SMAD3: variants seen among roughly 807,000 people sequenced by gnomAD.
SMAD3 encodes the protein MAD homolog 3.
Under a neutral mutation model 51.8 loss-of-function variants are expected in SMAD3, and 12 were observed. The observed-to-expected ratio is 0.23, with a 90% CI of 0.15 to 0.38. The LOEUF (loss-of-function observed/expected upper bound fraction) is 0.38. SMAD3 is among the 10% of genes least tolerant of loss of function. SMAD3 has a pLI of 1.00. For missense variants in SMAD3, 294 were observed against 565.6 expected (o/e 0.52, Z 4.87); for synonymous variants, 238 against 227.7 (o/e 1.05, Z -0.41).
At chr15:67,080,162 G>A (rs1052651797) in intron 1 of SMAD3, among the ~76,000 whole-genome samples, 31 of 152,314 alleles carry the variant, frequency 2.0e-4, no homozygotes, top group African/African-American at 7.2e-4. Flanking sequence ...AATTGGATCC[G>A]CCAGCTCATG....
intron 6 of SMAD3, among the ~76,000 whole-genome samples, chr15:67,183,402 A>T: frequency 6.8e-6 from 1 of 146,268 alleles, no homozygotes; most frequent in East Asian, 2.2e-4. Flanking sequence ...TCGCATCCCC[A>T]CCTCTGCCTT....
chr15:67,184,999 A>G (rs945019543), intron 7 of SMAD3, 135 bp downstream of exon 7: 91 of 1,183,942 alleles, frequency 7.7e-5, no homozygotes, highest in Non-Finnish European at 1.1e-4. Flanking sequence ...TGATTGGATT[A>G]GGTTTTCTCT....
chr15:67,072,028 CAG>C (rs574546307), intron 1 of SMAD3, among the ~76,000 whole-genome samples: 71 of 152,126 alleles, frequency 4.7e-4, no homozygotes, highest in South Asian at 2.7e-3. Flanking sequence ...ATTTTAATAA[CAG>C]AAAAATATGA....
intron 1 of SMAD3, among the ~76,000 whole-genome samples, chr15:67,111,786 T>C (rs1486928474): frequency 1.3e-5 from 2 of 152,182 alleles, no homozygotes; most frequent in African/African-American, 4.8e-5. Context: ...GGCATTTGTG[T>C]TTTTTGTTTG....
Position 67,190,785 on chromosome 15 carries a change from T to C in SMAD3, c.*249T>C. On this transcript the variant is annotated 3_prime_UTR_variant, in exon 9 of 9. Coordinates refer to ENST00000327367, the MANE Select transcript of SMAD3 (RefSeq NM_005902.4). The stretch of plus-strand genomic sequence containing the variant: ...TTGAAGGGCAAGAAATGGCGTCTGC[T>C]CTGGTGGCTTAAGTGAGCAGAACAG... The C allele has an allele frequency of 5.3e-6, 3 of 563,140 alleles. No individual in the cohort carries two copies. The South Asian group carries it at 6.1e-5, about 11-fold the overall frequency. 34.9% of individuals were successfully genotyped at this position (563,140 alleles called of 1,614,324 possible).
chr15:67,108,346 A>G (rs1176782469), intron 1 of SMAD3, among the ~76,000 whole-genome samples: 1 of 151,980 alleles, frequency 6.6e-6, no homozygotes, highest in Non-Finnish European at 1.5e-5. Flanking sequence ...GAGAATCCCC[A>G]CTCTGATGAT....
chr15:67,165,572 T>TC (rs1245114657), intron 3 of SMAD3, among the ~76,000 whole-genome samples, 188 bp downstream of exon 3: 1 of 152,032 alleles, frequency 6.6e-6, no homozygotes, highest in South Asian at 2.1e-4. Flanking sequence ...TGACCTCAGC[T>TC]CCCCCCTCAC....
rs1963415736 is a variant in SMAD3, at chr15:67,193,421, C to G, written c.*2885C>G. 1 of 233,836 alleles carries G rather than the reference C, an allele frequency of 4.3e-6. No individual in the cohort carries two copies. The highest frequency in any genetic ancestry group is 8.5e-6 in the Non-Finnish European group (1 of 118,086). The allele number at this position is 233,836 out of a possible 1,614,324, so 14.5% of individuals were successfully genotyped here. The stretch of plus-strand genomic sequence containing the variant: ...CCTTCCAAGGAGCCAACTTTTATTC[C>G]CTTTCCTCTCTCCCCTCCCCACCTC... On this transcript the variant is annotated 3_prime_UTR_variant, in exon 9 of 9. Coordinates refer to ENST00000327367, the MANE Select transcript of SMAD3 (RefSeq NM_005902.4).
chr15:67,086,769 G>C (rs1960402100), intron 1 of SMAD3, among the ~76,000 whole-genome samples: 1 of 152,130 alleles, frequency 6.6e-6, no homozygotes, highest in Non-Finnish European at 1.5e-5. Flanking sequence ...CTATGTCCTG[G>C]CCACACAGTG....
intron 1 of SMAD3, among the ~76,000 whole-genome samples, chr15:67,134,573 C>T (rs1160807698): frequency 6.6e-6 from 1 of 152,210 alleles, no homozygotes; most frequent in Non-Finnish European, 1.5e-5. Flanking sequence ...AGCGACCCTA[C>T]CTCCAGCTTC....
chr15:67,160,704 G>A (rs7164786), intron 1 of SMAD3, among the ~76,000 whole-genome samples: 53,405 of 147,188 alleles, frequency 0.36, 10,172 homozygotes, highest in African/African-American at 0.5. Context: ...CCAGGAGGTG[G>A]AGCTTGCAGT....
chr15:67,130,602 C>T (rs1464981723), intron 1 of SMAD3, among the ~76,000 whole-genome samples: 6 of 152,210 alleles, frequency 3.9e-5, no homozygotes, highest in Admixed American at 2.6e-4. Flanking sequence ...CCCCAACCCT[C>T]ATCTCTGGTG....
At chr15:67,085,503 G>T (rs1280704217) in intron 1 of SMAD3, among the ~76,000 whole-genome samples, 1 of 152,194 alleles carries the variant, frequency 6.6e-6, no homozygotes, top group Non-Finnish European at 1.5e-5. Context: ...GTCAACTCTG[G>T]ACTAGAAATG....
At chr15:67,089,162 C>T (rs1011564067) in intron 1 of SMAD3, among the ~76,000 whole-genome samples, 1 of 152,166 alleles carries the variant, frequency 6.6e-6, no homozygotes, top group Non-Finnish European at 1.5e-5. Flanking sequence ...TGTATGGCTG[C>T]TTAGTTCTGA....
chr15:67,090,262 A>T (rs576097237), intron 1 of SMAD3, among the ~76,000 whole-genome samples: 2 of 152,090 alleles, frequency 1.3e-5, no homozygotes, highest in Non-Finnish European at 2.9e-5. Context: ...AAGAGCAGGG[A>T]GTCTCGAGTC....
chr15:67,097,059 G>A (rs1333377579), intron 1 of SMAD3, among the ~76,000 whole-genome samples: 1 of 152,160 alleles, frequency 6.6e-6, no homozygotes, highest in Non-Finnish European at 1.5e-5. Flanking sequence ...CTTAACTCAG[G>A]CATGGTCTCC....
chr15:67,186,248 C>T (rs1325301247), intron 7 of SMAD3, among the ~76,000 whole-genome samples: 7 of 152,196 alleles, frequency 4.6e-5, no homozygotes, highest in Non-Finnish European at 1.0e-4. Flanking sequence ...GGGGTCAGGG[C>T]CCAGGTTCAG....
At chr15:67,158,136 T>C (rs4776900) in intron 1 of SMAD3, among the ~76,000 whole-genome samples, 132,504 of 152,166 alleles carry the variant, frequency 0.87, 57,748 homozygotes, top group Admixed American at 0.91. Context: ...TGCAACCAAG[T>C]ATATTTATGG....
At chr15:67,111,998 G>A (rs1961024620) in intron 1 of SMAD3, among the ~76,000 whole-genome samples, 1 of 151,858 alleles carries the variant, frequency 6.6e-6, no homozygotes, top group Admixed American at 6.6e-5. Flanking sequence ...ATGATGGCCA[G>A]GTTGGTCTTG....
Sources: allele counts gnomAD v4.1 joint callset (sites outside exome capture counted in the v4.1 genomes callset), GRCh38; gene constraint gnomAD v4.1.1; transcripts MANE v1.5; gene names NCBI Gene and HGNC (gene_info 2026-07-23, HGNC 2026-07-21).